Variants in OSBPL10 observed in about 807,000 individuals in gnomAD.
The protein encoded by OSBPL10 is oxysterol binding protein like 10.
OSBPL10 carries 49 observed loss-of-function variants against 81.7 expected under a neutral mutation model. That is an observed-to-expected ratio of 0.60 (90% CI 0.48 to 0.76). The LOEUF (loss-of-function observed/expected upper bound fraction) is 0.76, where lower values mean the gene tolerates loss of function less well. Among genes scored for constraint, OSBPL10 ranks in the 30% least tolerant of loss-of-function variants. The pLI, the probability that OSBPL10 is intolerant of heterozygous loss-of-function variation, is 0.00. For synonymous variants in OSBPL10, 419 were observed against 383.6 expected (o/e 1.09, Z -1.08); for missense variants, 923 against 987.8 (o/e 0.93, Z 0.88).
intron 2 of OSBPL10, among the ~76,000 whole-genome samples, chr3:32,020,267 AC>A (rs529419329): frequency 1.8e-4 from 28 of 152,088 alleles, no homozygotes; most frequent in Non-Finnish European, 3.5e-4. Context: ...CAATTTTAGA[AC>A]CCTGCCCAAT....
chr3:31,933,137 T>C (rs1423928424), intron 1 of OSBPL10, among the ~76,000 whole-genome samples: 2 of 152,298 alleles, frequency 1.3e-5, no homozygotes, highest in South Asian at 2.1e-4. Context: ...GTTTTACGCA[T>C]GGAGAAACTG....
At chr3:31,879,394 G>C in intron 2 of OSBPL10, 1 of 394,656 alleles carries the variant, frequency 2.5e-6, no homozygotes. Context: ...TAAGATCTTC[G>C]AAGTCCTAAG....
chr3:31,981,380 C>G (rs2125508400), upstream of OSBPL10: 1 of 901,508 alleles, frequency 1.1e-6, no homozygotes, highest in East Asian at 3.6e-5. The surrounding 1 kb of genome is among the most constrained non-coding windows in gnomAD (Gnocchi z 4.5). Context: ...GATGCAGCTG[C>G]GGCCGCCCCT....
intron 2 of OSBPL10, chr3:32,030,680 A>C (rs2125551961): frequency 1.9e-6 from 2 of 1,026,898 alleles, no homozygotes; most frequent in East Asian, 4.8e-5. Context: ...ATGGCATAAT[A>C]GGTGTTAAAA....
intron 3 of OSBPL10, among the ~76,000 whole-genome samples, chr3:31,837,989 C>T (rs550154924): frequency 2.6e-5 from 4 of 152,026 alleles, no homozygotes; most frequent in East Asian, 1.9e-4. Flanking sequence ...ATAAAAATTC[C>T]GGCAGGATTT....
At chr3:31,985,675 G>C (rs1698924609), upstream of OSBPL10, among the ~76,000 whole-genome samples, 1 of 152,310 alleles carries the variant, frequency 6.6e-6, no homozygotes, top group Non-Finnish European at 1.5e-5. Context: ...CACGAATAGA[G>C]AGAAAATTAT....
At chr3:32,001,924 A>G (rs986580087) in intron 2 of OSBPL10, among the ~76,000 whole-genome samples, 3 of 152,182 alleles carry the variant, frequency 2.0e-5, no homozygotes, top group Non-Finnish European at 4.4e-5. Context: ...TGAAGAAGAG[A>G]GATTATTATG....
chr3:31,969,184 A>G (rs912983157), intron 1 of OSBPL10, among the ~76,000 whole-genome samples: 3 of 152,218 alleles, frequency 2.0e-5, no homozygotes, highest in East Asian at 1.9e-4. Flanking sequence ...TATTTCAGCC[A>G]AAGTCCACAC....
intron 1 of OSBPL10, among the ~76,000 whole-genome samples, chr3:31,965,521 A>G (rs1473658355): frequency 4.1e-5 from 2 of 48,720 alleles, no homozygotes; most frequent in Non-Finnish European, 7.6e-5. Flanking sequence ...TAATATATAA[A>G]CTATTATATT....
chr3:31,843,297 TCCCATTA>T (rs1417265195), intron 3 of OSBPL10, among the ~76,000 whole-genome samples: 1 of 152,174 alleles, frequency 6.6e-6, no homozygotes, highest in African/African-American at 2.4e-5. Flanking sequence ...GAGATGATAA[TCCCATTA>T]CCTGTGTCTG....
intron 7 of OSBPL10, among the ~76,000 whole-genome samples, chr3:31,685,618 C>T (rs1264263282): frequency 6.6e-6 from 1 of 152,176 alleles, no homozygotes; most frequent in Non-Finnish European, 1.5e-5. Flanking sequence ...GGGAACACAC[C>T]GGGTTCCAGC....
Position 31,747,893 on chromosome 3 carries a change from G to T in OSBPL10, c.940+17C>A. The T allele has an allele frequency of 6.2e-7, 1 of 1,611,522 alleles. No individual in the cohort carries two copies. Among genetic ancestry groups the T allele is most frequent in the Non-Finnish European group, 8.5e-7 (1 of 1,179,020 alleles). On this transcript the variant is annotated intron_variant, in intron 5 of 11. Coordinates refer to ENST00000396556, the MANE Select transcript of OSBPL10 (RefSeq NM_017784.5). ...GTGTACTCATCCCAAACATGGACAA[G>T]CCCCCGGGGGTCTTACCCGAGGCTC...
At chr3:31,953,938 G>C (rs1245117077) in intron 1 of OSBPL10, among the ~76,000 whole-genome samples, 1 of 152,220 alleles carries the variant, frequency 6.6e-6, no homozygotes, top group Non-Finnish European at 1.5e-5. Flanking sequence ...CCATCAGAGA[G>C]TTCAGCAGCT....
intron 2 of OSBPL10, among the ~76,000 whole-genome samples, chr3:32,039,902 C>T (rs1193734179): frequency 6.6e-6 from 1 of 152,126 alleles, no homozygotes; most frequent in Non-Finnish European, 1.5e-5. Context: ...CAGTCTCACT[C>T]ACGGATAGGT....
intron 1 of OSBPL10, among the ~76,000 whole-genome samples, chr3:31,965,721 TATA>T (rs1698354423): frequency 1.5e-5 from 1 of 65,952 alleles, no homozygotes; most frequent in Non-Finnish European, 2.4e-5. Context: ...AAATATATAA[TATA>T]ATATATATTA....
intron 1 of OSBPL10, among the ~76,000 whole-genome samples, chr3:31,898,575 T>A (rs1398112526): frequency 5.0e-5 from 6 of 120,350 alleles, no homozygotes; most frequent in African/African-American, 1.4e-4. Flanking sequence ...CAAGACCCTG[T>A]CTCTTAAAAA....
intron 2 of OSBPL10, 78 bp downstream of exon 2, chr3:31,879,570 AAAAAAAC>A: frequency 7.0e-7 from 1 of 1,422,724 alleles, no homozygotes; most frequent in Non-Finnish European, 9.5e-7. Flanking sequence ...AAGGCAATTT[AAAAAAAC>A]AAAAAATCAA....
chr3:31,984,027 TTTTTG>T (rs144047101), upstream of OSBPL10, among the ~76,000 whole-genome samples: 13,469 of 149,478 alleles, frequency 0.09, 1,040 homozygotes, highest in East Asian at 0.47. Context: ...TAAGGGGTTT[TTTTTG>T]TTTTTGTTTT....
chr3:31,681,649 T>C (rs1224157196), intron 8 of OSBPL10, among the ~76,000 whole-genome samples: 2 of 152,212 alleles, frequency 1.3e-5, no homozygotes, highest in African/African-American at 4.8e-5. Context: ...CCTTCTTCAC[T>C]TGCCTCGCAA....
Sources: gnomAD v4.1 joint callset for allele counts (sites outside exome capture counted in the v4.1 genomes callset) on GRCh38, gnomAD v4.1.1 for gene constraint, Gnocchi (gnomAD v3.1) non-coding constraint, MANE v1.5 for transcripts, NCBI Gene and HGNC (gene_info 2026-07-23, HGNC 2026-07-21) for gene names.